Variants in ERBIN observed in about 807,000 individuals in gnomAD.
ERBIN encodes the protein erbb2 interacting protein.
Under a neutral mutation model 158.4 loss-of-function variants are expected in ERBIN, and 60 were observed. The observed-to-expected ratio is 0.38, with a 90% CI of 0.31 to 0.47. The LOEUF is 0.47. Ranked by LOEUF, ERBIN falls within the 20% of genes least tolerant of loss-of-function variation. ERBIN has a pLI of 0.99. For missense variants in ERBIN, 1,610 were observed against 1,648.0 expected (o/e 0.98, Z 0.40); for synonymous variants, 594 against 557.2 (o/e 1.07, Z -0.93).
intron 21 of ERBIN, among the ~76,000 whole-genome samples, chr5:66,056,984 G>C (rs960964248): frequency 2.6e-5 from 4 of 152,024 alleles, no homozygotes; most frequent in Admixed American, 6.6e-5. Flanking sequence ...GTGTTTGCCT[G>C]TTTCAGTTCT....
chr5:66,045,621 C>T (rs1299017851), intron 17 of ERBIN, among the ~76,000 whole-genome samples: 2 of 152,068 alleles, frequency 1.3e-5, no homozygotes, highest in Non-Finnish European at 2.9e-5. Flanking sequence ...ACTGCACTTG[C>T]AAATTTAAGG....
rs150867680 is a variant in ERBIN, at chr5:65,942,495, TA to T, written c.-58+15690del. Among the ~76,000 whole-genome samples, 29 of 152,364 alleles carry T rather than the reference TA, an allele frequency of 1.9e-4. No individual in the cohort carries two copies. The East Asian group carries it at 4.0e-3, about 21-fold the overall frequency. ...CGGACGCCAGTTTGTTATAGATGAT[TA>T]TTTTTTTAGTTTAGAAATAACTGGA... On this transcript the variant is annotated intron_variant, in intron 1 of 25. Coordinates refer to ENST00000284037, the MANE Select transcript of ERBIN (RefSeq NM_001253697.2).
At chr5:66,013,697 T>G in intron 6 of ERBIN, 59 bp downstream of exon 6, 1 of 1,124,654 alleles carries the variant, frequency 8.9e-7, no homozygotes, top group South Asian at 1.3e-5. Flanking sequence ...TTTACAAAAC[T>G]ATAAGCTGCT....
At chr5:66,065,591 CTGTGTG>C (rs56164922) in intron 21 of ERBIN, among the ~76,000 whole-genome samples, 2,671 of 109,174 alleles carry the variant, frequency 0.024, 75 homozygotes, top group Non-Finnish European at 0.038. Context: ...TAATTTTGAC[CTGTGTG>C]TGTGTGTGTG....
At chr5:66,034,452 G>T (rs1051715394) in intron 14 of ERBIN, among the ~76,000 whole-genome samples, 1 of 151,822 alleles carries the variant, frequency 6.6e-6, no homozygotes, top group Non-Finnish European at 1.5e-5. Context: ...ACCACACCCA[G>T]CTTTTTGTAT....
chr5:66,042,809 A>G (rs1182540708), intron 15 of ERBIN, among the ~76,000 whole-genome samples: 1 of 152,110 alleles, frequency 6.6e-6, no homozygotes, highest in African/African-American at 2.4e-5. Context: ...TAATTGGTAG[A>G]TTCTCTTCAG....
chr5:66,061,080 G>T (rs1159401807), intron 21 of ERBIN, among the ~76,000 whole-genome samples: 2 of 152,174 alleles, frequency 1.3e-5, no homozygotes, highest in Non-Finnish European at 2.9e-5. Context: ...GCAGAGCTGA[G>T]TTGAGTTCCT....
Position 66,081,180 on chromosome 5 carries a change from GT to G in ERBIN, c.*2651del, listed in dbSNP as rs1182968094. On this transcript the variant is annotated 3_prime_UTR_variant, in exon 26 of 26. Coordinates refer to ENST00000284037, the MANE Select transcript of ERBIN (RefSeq NM_001253697.2). Reference sequence around the variant, plus strand: ...TAAGAGTAATTTCTTACTCTAACCAGTAAAAAAATAATACTGATCAGAGTAA... The same window carrying G: ...TAAGAGTAATTTCTTACTCTAACCAGAAAAAAATAATACTGATCAGAGTAA... The G allele has an allele frequency of 6.6e-6, 1 of 151,690 alleles. No homozygotes were observed. The highest frequency in any genetic ancestry group is 6.6e-5 in the Admixed American group (1 of 15,234). The allele number at this position is 151,690 out of a possible 1,614,324, so 9.4% of individuals were successfully genotyped here.
chr5:66,048,918 G>C (rs985837829), intron 19 of ERBIN, 137 bp downstream of exon 19: 19 of 545,458 alleles, frequency 3.5e-5, no homozygotes, highest in Non-Finnish European at 5.4e-5. Flanking sequence ...TTTCTGAAAG[G>C]TTCTCTTTCC....
At chr5:66,073,013 T>C (rs1761666692) in intron 22 of ERBIN, among the ~76,000 whole-genome samples, 1 of 152,202 alleles carries the variant, frequency 6.6e-6, no homozygotes, top group Non-Finnish European at 1.5e-5. Context: ...GTTTCTATTA[T>C]TTTACCCTCT....
intron 1 of ERBIN, among the ~76,000 whole-genome samples, chr5:65,975,790 G>A (rs1271712682): frequency 1.3e-5 from 2 of 152,216 alleles, no homozygotes; most frequent in African/African-American, 2.4e-5. Context: ...TGTAGAGAGA[G>A]ATGTGGTTTC....
Position 66,079,173 on chromosome 5 carries a change from A to G in ERBIN, c.*643A>G, listed in dbSNP as rs903557057. The G allele has an allele frequency of 6.6e-6, 1 of 152,668 alleles. No individual in the cohort carries two copies. Among genetic ancestry groups the G allele is most frequent in the Non-Finnish European group, 1.5e-5 (1 of 68,056 alleles). 9.5% of individuals were successfully genotyped at this position (152,668 alleles called of 1,614,324 possible). A position where few individuals can be genotyped will look rare whatever the true frequency, so the allele number is the denominator to read the frequency against. Reference sequence around the variant, plus strand: ...ATGTTTTTATTAGGAGAATAATGCAATAAAATATGTAATGTCTTTTTTATA... The same window carrying G: ...ATGTTTTTATTAGGAGAATAATGCAGTAAAATATGTAATGTCTTTTTTATA... On this transcript the variant is annotated 3_prime_UTR_variant, in exon 26 of 26. Transcript: ENST00000284037.
Position 66,028,259 on chromosome 5 carries a change from A to G in ERBIN, c.1137-15A>G, listed in dbSNP as rs188349668. On this transcript the variant is annotated splice_polypyrimidine_tract_variant and intron_variant, in intron 13 of 25. Transcript: ENST00000284037. ...ATTTTAAAGTTTAATTTTTGTTTGT[A>G]TTTTTTTCCTACAGATTAAAGAATT... is the stretch of plus-strand genomic sequence containing the variant. 4.3e-4 allele frequency: 689 copies of G among 1,590,764 alleles called. 2 individuals carry two copies. The African/African-American group carries it at 8.1e-3, about 19-fold the overall frequency.
chr5:66,036,248 A>G (rs1241630433), intron 14 of ERBIN, among the ~76,000 whole-genome samples: 9 of 152,140 alleles, frequency 5.9e-5, no homozygotes, highest in African/African-American at 1.9e-4. Flanking sequence ...CTTATTACCC[A>G]TTCTGAACCA....
chr5:65,992,767 C>G lies in ERBIN; in HGVS notation c.49C>G (p.Leu17Val). 6.2e-7 allele frequency: 1 copy of G among 1,613,486 alleles called. No individual in the cohort carries two copies. The highest frequency in any genetic ancestry group is 8.5e-7 in the Non-Finnish European group (1 of 1,179,732). Residue 17 changes from leucine (L) to valine (V), a missense_variant, in exon 3 of 26, where the codon CTA (leucine) becomes GTA (valine). Coordinates refer to ENST00000284037, the MANE Select transcript of ERBIN (RefSeq NM_001253697.2). ...LFVRLVPCRC[L>V]RGEEETVTTL... ...TGTGCGGTTGGTACCATGTCGCTGTCTACGAGGGGAAGAGGAGACTGTCAC... is the reference window on the plus strand; with the variant it reads ...TGTGCGGTTGGTACCATGTCGCTGTGTACGAGGGGAAGAGGAGACTGTCAC...
At chr5:66,010,374 C>T (rs1754077074) in intron 4 of ERBIN, among the ~76,000 whole-genome samples, 1 of 152,056 alleles carries the variant, frequency 6.6e-6, no homozygotes, top group Non-Finnish European at 1.5e-5. Flanking sequence ...CTGATGATGC[C>T]AACTTTCAAG....
At chr5:66,033,142 G>T (rs1009179309) in intron 14 of ERBIN, among the ~76,000 whole-genome samples, 1 of 151,940 alleles carries the variant, frequency 6.6e-6, no homozygotes, top group Non-Finnish European at 1.5e-5. Context: ...GCTCCTGAAG[G>T]CTTCATTTTC....
At chr5:66,000,888 C>T (rs1752952984) in intron 4 of ERBIN, among the ~76,000 whole-genome samples, 1 of 152,124 alleles carries the variant, frequency 6.6e-6, no homozygotes, top group Non-Finnish European at 1.5e-5. Context: ...TTTAATTCCT[C>T]ATCTTATATT....
At chr5:65,938,388 T>C (rs1438403830) in intron 1 of ERBIN, among the ~76,000 whole-genome samples, 2 of 148,046 alleles carry the variant, frequency 1.4e-5, no homozygotes, top group Non-Finnish European at 3.0e-5. Flanking sequence ...TTTTTTTTTT[T>C]TGAGACAGGG....
Sources: allele counts gnomAD v4.1 joint callset (sites outside exome capture counted in the v4.1 genomes callset), GRCh38; gene constraint gnomAD v4.1.1; transcripts MANE v1.5; gene names NCBI Gene and HGNC (gene_info 2026-07-23, HGNC 2026-07-21).